Variants in ARHGEF7 observed in about 807,000 individuals in gnomAD.
ARHGEF7 encodes the protein PAK-interacting exchange factor beta.
A neutral mutation model predicts 109.8 loss-of-function variants in ARHGEF7; 33 were observed. The ratio of observed to expected loss-of-function variants is 0.30; its 90% CI spans 0.23 to 0.40. The LOEUF is 0.40. ARHGEF7 is among the 10% of genes least tolerant of loss of function. The pLI is 1.00. For synonymous variants in ARHGEF7, 458 were observed against 424.6 expected (o/e 1.08, Z -0.97); for missense variants, 938 against 1,098.5 (o/e 0.85, Z 2.07).
At chr13:111,269,409 C>G (rs367782639) in intron 9 of ARHGEF7, among the ~76,000 whole-genome samples, 2 of 152,178 alleles carry the variant, frequency 1.3e-5, no homozygotes, top group Non-Finnish European at 2.9e-5. Flanking sequence ...TCCTAAAATG[C>G]GAAGCCATTC....
At chr13:111,249,509 G>A (rs890113364) in intron 8 of ARHGEF7, among the ~76,000 whole-genome samples, 1 of 151,988 alleles carries the variant, frequency 6.6e-6, no homozygotes, top group Non-Finnish European at 1.5e-5. Flanking sequence ...GTGAGCCTCC[G>A]ATTGGCCTCA....
intron 5 of ARHGEF7, among the ~76,000 whole-genome samples, chr13:111,221,177 A>G: frequency 9.5e-6 from 1 of 105,786 alleles, no homozygotes; most frequent in Non-Finnish European, 1.8e-5. Flanking sequence ...ATATCTATAT[A>G]GATATATATG....
intron 2 of ARHGEF7, among the ~76,000 whole-genome samples, chr13:111,184,614 T>A (rs149284375): frequency 4.9e-4 from 74 of 152,358 alleles, no homozygotes; most frequent in African/African-American, 1.7e-3. Flanking sequence ...TCCAGGGCTT[T>A]TAGCTGCATT....
chr13:111,242,845 G>A (rs1260360322), intron 6 of ARHGEF7, among the ~76,000 whole-genome samples: 2 of 152,218 alleles, frequency 1.3e-5, no homozygotes, highest in Non-Finnish European at 1.5e-5. Flanking sequence ...CCAGGAGTGC[G>A]AGGAGCACCT....
intron 2 of ARHGEF7, among the ~76,000 whole-genome samples, chr13:111,160,926 C>T (rs2076692624): frequency 6.6e-6 from 1 of 152,168 alleles, no homozygotes; most frequent in African/African-American, 2.4e-5. Context: ...ATAAATTACC[C>T]AGTCTTGGGT....
intron 18 of ARHGEF7, among the ~76,000 whole-genome samples, chr13:111,289,012 A>T (rs1388453497): frequency 6.6e-6 from 1 of 151,398 alleles, no homozygotes; most frequent in East Asian, 1.9e-4. Context: ...TAAATGAAAA[A>T]CTTTTTTCTA....
At chr13:111,259,447 A>G (rs112977055) in intron 8 of ARHGEF7, among the ~76,000 whole-genome samples, 3,641 of 152,270 alleles carry the variant, frequency 0.024, 134 homozygotes, top group African/African-American at 0.083. Context: ...GAAGAGAGCA[A>G]AGAGTCTCTG....
chr13:111,226,267 G>A lies in ARHGEF7; in HGVS notation c.671-6938G>A, dbSNP rs145491106. On this transcript the variant is annotated intron_variant, in intron 5 of 21. Transcript: ENST00000646102. ...TGCATGAGGTTGAAGGAAAGAAGCCGTCTCCAGAACATGATGAAAGTGCAG... is the reference window on the plus strand; with the variant it reads ...TGCATGAGGTTGAAGGAAAGAAGCCATCTCCAGAACATGATGAAAGTGCAG... 3.2e-3 allele frequency among the ~76,000 whole-genome samples: 493 copies of A among 152,314 alleles called. 1 individual carries two copies. Among genetic ancestry groups the A allele is most frequent in the South Asian group, 0.011 (54 of 4,822 alleles).
intron 1 of ARHGEF7, among the ~76,000 whole-genome samples, chr13:111,126,509 T>G (rs1013403590): frequency 6.6e-6 from 1 of 151,862 alleles, no homozygotes; most frequent in African/African-American, 2.4e-5. Flanking sequence ...AAAAAAGCCT[T>G]TAACAAAATA....
At chr13:111,158,180 T>G (rs1397456754) in intron 2 of ARHGEF7, among the ~76,000 whole-genome samples, 1 of 152,214 alleles carries the variant, frequency 6.6e-6, no homozygotes, top group African/African-American at 2.4e-5. Context: ...GCTATATTCA[T>G]ACATAATAGA....
chr13:111,194,142 CTTAG>C (rs2080226130), intron 2 of ARHGEF7, among the ~76,000 whole-genome samples: 1 of 152,196 alleles, frequency 6.6e-6, no homozygotes, highest in African/African-American at 2.4e-5. Flanking sequence ...CATCGATTTC[CTTAG>C]TTAGGTATGC....
chr13:111,302,843 T>C, intron 21 of ARHGEF7, 148 bp from the exon 22 acceptor site: 1 of 982,318 alleles, frequency 1.0e-6, no homozygotes, highest in Non-Finnish European at 1.5e-6. Flanking sequence ...TTGACCTTCG[T>C]GGATCCCCAC....
chr13:111,221,104 G>A (rs2083793218), intron 5 of ARHGEF7, among the ~76,000 whole-genome samples: 3 of 139,802 alleles, frequency 2.1e-5, no homozygotes, highest in African/African-American at 8.0e-5. Flanking sequence ...GGGACCTTGT[G>A]ATCATGTAAG....
intron 7 of ARHGEF7, 79 bp downstream of exon 7, chr13:111,244,045 G>T: frequency 7.5e-7 from 1 of 1,342,136 alleles, no homozygotes; most frequent in Non-Finnish European, 1.0e-6. Context: ...AGAGAATAGA[G>T]GGTTAAATAG....
chr13:111,288,466 G>A, intron 18 of ARHGEF7, 23 bp downstream of exon 18: 3 of 1,578,556 alleles, frequency 1.9e-6, no homozygotes, highest in Non-Finnish European at 1.7e-6. Flanking sequence ...ATAAGGCCTG[G>A]GAAGTGTGGT....
upstream of ARHGEF7, chr13:111,114,636 GCGCCCGGCCC>G (rs1418478807): frequency 6.6e-6 from 1 of 152,292 alleles, no homozygotes; most frequent in Non-Finnish European, 1.5e-5. Context: ...ACGCAGCCAG[GCGCCCGGCCC>G]GGCCCGGCCC....
intron 19 of ARHGEF7, among the ~76,000 whole-genome samples, chr13:111,297,897 T>C (rs1368216078): frequency 6.6e-6 from 1 of 152,262 alleles, no homozygotes; most frequent in African/African-American, 2.4e-5. Context: ...AAATACAGAA[T>C]TTACTTTGCC....
At chr13:111,122,703 G>C (rs1027573562) in intron 1 of ARHGEF7, 1 of 152,216 alleles carries the variant, frequency 6.6e-6, no homozygotes, top group African/African-American at 2.4e-5. Flanking sequence ...GGAAGCGCAC[G>C]CATGGATGCC....
At chr13:111,122,045 C>T (rs889557377) in intron 1 of ARHGEF7, among the ~76,000 whole-genome samples, 1 of 152,196 alleles carries the variant, frequency 6.6e-6, no homozygotes, top group Non-Finnish European at 1.5e-5. Context: ...TCCAGGAACA[C>T]GGGTTAATTC....
Sources: gnomAD v4.1 joint callset for allele counts (sites outside exome capture counted in the v4.1 genomes callset) on GRCh38, gnomAD v4.1.1 for gene constraint, MANE v1.5 for transcripts, NCBI Gene and HGNC (gene_info 2026-07-23, HGNC 2026-07-21) for gene names.